The following ZNF536 variants were observed in gnomAD, a reference collection of about 807,000 sequenced individuals.
ZNF536 encodes the protein zinc finger protein 536.
In ZNF536, 13 loss-of-function variants were observed where a neutral mutation model predicts 84.5. The observed-to-expected ratio is 0.15, with a 90% CI of 0.10 to 0.24. The LOEUF (loss-of-function observed/expected upper bound fraction) is 0.24, where lower values mean the gene tolerates loss of function less well. ZNF536 is among the 10% of genes least tolerant of loss of function. The pLI is 1.00. For synonymous variants in ZNF536, 811 were observed against 742.5 expected (o/e 1.09, Z -1.50); for missense variants, 1,536 against 1,747.5 (o/e 0.88, Z 2.16).
chr19:30,284,201 C>T (rs2045551703), intron 2 of ZNF536: 1 of 152,262 alleles, frequency 6.6e-6, no homozygotes, highest in Admixed American at 6.5e-5. Context: ...GTGGGGAAGT[C>T]CAGGCTGCCT....
chr19:30,516,993 C>T (rs2044106235), intron 2 of ZNF536, among the ~76,000 whole-genome samples: 1 of 152,144 alleles, frequency 6.6e-6, no homozygotes, highest in Non-Finnish European at 1.5e-5. Context: ...GGCTCAGGCC[C>T]AGCCACCGAG....
At chr19:30,407,161 C>T (rs2050293670) in intron 1 of ZNF536, among the ~76,000 whole-genome samples, 2 of 152,206 alleles carry the variant, frequency 1.3e-5, no homozygotes, top group African/African-American at 2.4e-5. Flanking sequence ...CCTGACCTAC[C>T]CTGTCCTGTG....
At chr19:30,494,823 A>G (rs1449830147) in intron 2 of ZNF536, among the ~76,000 whole-genome samples, 10 of 151,802 alleles carry the variant, frequency 6.6e-5, no homozygotes, top group Admixed American at 2.6e-4. Flanking sequence ...GCGTGCACCT[A>G]TAATCCCAGC....
At chr19:30,688,291 G>A (rs1367904614) in intron 1 of ZNF536, among the ~76,000 whole-genome samples, 3 of 152,132 alleles carry the variant, frequency 2.0e-5, no homozygotes, top group Admixed American at 1.3e-4. Flanking sequence ...TCTGTATTTC[G>A]TTTTCATGTG....
chr19:30,425,848 T>C (rs535753224), intron 1 of ZNF536, among the ~76,000 whole-genome samples: 1 of 152,312 alleles, frequency 6.6e-6, no homozygotes, highest in East Asian at 1.9e-4. Flanking sequence ...GGTTCTCCCA[T>C]GTAGGGACTG....
intron 1 of ZNF536, among the ~76,000 whole-genome samples, chr19:30,397,610 C>A (rs2049875115): frequency 6.6e-6 from 1 of 152,164 alleles, no homozygotes; most frequent in Non-Finnish European, 1.5e-5. Flanking sequence ...TTTTATATTG[C>A]CATTTCCACC....
chr19:30,546,573 G>A (rs372305273), intron 3 of ZNF536, among the ~76,000 whole-genome samples: 1 of 152,206 alleles, frequency 6.6e-6, no homozygotes, highest in Non-Finnish European at 1.5e-5. Flanking sequence ...CAAATGCCCT[G>A]TGCCTGGAGA....
At chr19:30,236,706 T>C (rs1023041432) in intron 1 of ZNF536, among the ~76,000 whole-genome samples, 3 of 152,076 alleles carry the variant, frequency 2.0e-5, no homozygotes, top group African/African-American at 7.2e-5. Flanking sequence ...CACAGTGGCT[T>C]TCTTAGTAGG....
intron 2 of ZNF536, among the ~76,000 whole-genome samples, chr19:30,335,392 C>T (rs73018894): frequency 6.6e-6 from 1 of 152,200 alleles, no homozygotes; most frequent in East Asian, 1.9e-4. Flanking sequence ...CAGCCACCCC[C>T]AGCCTGGTAC....
chr19:30,511,155 G>A (rs1197904967), intron 2 of ZNF536, among the ~76,000 whole-genome samples: 2 of 152,172 alleles, frequency 1.3e-5, no homozygotes, highest in Non-Finnish European at 2.9e-5. Flanking sequence ...CATCCGGAAG[G>A]TGATGTGGCT....
intron 1 of ZNF536, among the ~76,000 whole-genome samples, chr19:30,398,394 T>TTA (rs1568390410): frequency 2.0e-5 from 3 of 151,818 alleles, no homozygotes; most frequent in Non-Finnish European, 4.4e-5. Context: ...TTTTCTTTTT[T>TTA]TTTTTTAAAT....
At chr19:30,246,477 G>A (rs1445228927) in intron 1 of ZNF536, among the ~76,000 whole-genome samples, 7 of 152,112 alleles carry the variant, frequency 4.6e-5, no homozygotes, top group Non-Finnish European at 1.0e-4. Context: ...CTTTCCCTGT[G>A]CACATATTTC....
chr19:30,701,189 T>TCACACA (rs1428834210), intron 1 of ZNF536, among the ~76,000 whole-genome samples: 2 of 57,880 alleles, frequency 3.5e-5, no homozygotes, highest in Non-Finnish European at 3.1e-5. Context: ...TATATCTCAC[T>TCACACA]CTCACACACA....
intron 1 of ZNF536, among the ~76,000 whole-genome samples, chr19:30,658,022 C>A (rs924776248): frequency 6.6e-6 from 1 of 151,032 alleles, no homozygotes; most frequent in Non-Finnish European, 1.5e-5. Context: ...TTCCATTCCC[C>A]CCCCCCTTTT....
chr19:30,312,514 A>G (rs1470584016), intron 2 of ZNF536, among the ~76,000 whole-genome samples: 1 of 152,222 alleles, frequency 6.6e-6, no homozygotes, highest in Non-Finnish European at 1.5e-5. Context: ...AAGTCAGATC[A>G]ATGGAGTTTT....
At chr19:30,261,697 C>CAAAAAAA (rs56820609) in intron 1 of ZNF536, among the ~76,000 whole-genome samples, 4 of 99,900 alleles carry the variant, frequency 4.0e-5, no homozygotes, top group Non-Finnish European at 4.1e-5. Context: ...GGACCTTGTC[C>CAAAAAAA]AAAAAAAAAA....
rs149086778 is a variant in ZNF536, at chr19:30,248,542, C to T, written c.-190+19869C>T. ...TGCAGGGGTGAGCCACTGTGCCCAA[C>T]CAGAATCTTCAGATTTCTATCTGGT... On this transcript the variant is annotated intron_variant, in intron 1 of 5. Transcript: ENST00000585628. 4.8e-3 allele frequency among the ~76,000 whole-genome samples: 733 copies of T among 152,128 alleles called. 3 individuals carry two copies. The highest frequency in any genetic ancestry group is 0.02 in the Middle Eastern group (6 of 294).
At chr19:30,523,412 C>T (rs1012893851) in intron 2 of ZNF536, among the ~76,000 whole-genome samples, 1 of 152,134 alleles carries the variant, frequency 6.6e-6, no homozygotes, top group Non-Finnish European at 1.5e-5. Context: ...GAAACCAAGC[C>T]TCAGAGAGGT....
At chr19:30,407,495 G>A (rs535891772) in intron 1 of ZNF536, among the ~76,000 whole-genome samples, 3 of 152,264 alleles carry the variant, frequency 2.0e-5, no homozygotes, top group South Asian at 4.2e-4. Context: ...CCCACAGGGT[G>A]AGAGCTCAGT....
Sources: allele counts gnomAD v4.1 joint callset (sites outside exome capture counted in the v4.1 genomes callset), GRCh38; gene constraint gnomAD v4.1.1; transcripts MANE v1.5; gene names NCBI Gene and HGNC (gene_info 2026-07-23, HGNC 2026-07-21).